Variants in TEF observed in about 807,000 individuals in gnomAD.
TEF encodes the protein thyrotroph embryonic factor.
A neutral mutation model predicts 20.8 loss-of-function variants in TEF; 3 were observed. The observed-to-expected ratio is 0.14, with a 90% CI of 0.07 to 0.37. TEF has a LOEUF of 0.37. Among genes scored for constraint, TEF ranks in the 10% least tolerant of loss-of-function variants. The probability of loss-of-function intolerance (pLI) is 1.00; values close to 1 mark genes in which losing one functional copy is unlikely to be tolerated. For missense variants in TEF, 296 were observed against 397.9 expected, an observed-to-expected ratio of 0.74 and a Z score of 2.18; for synonymous variants, 180 against 171.1, an observed-to-expected ratio of 1.05 and a Z score of -0.41.
chr22:41,368,018 T>G (rs2036841164), intron 1 of TEF, among the ~76,000 whole-genome samples: 1 of 152,114 alleles, frequency 6.6e-6, no homozygotes, highest in South Asian at 2.1e-4. Context: ...AGGCTTTCCT[T>G]GGTGCGCCTG....
chr22:41,375,287 ACT>A (rs774017749), intron 1 of TEF, among the ~76,000 whole-genome samples: 4 of 152,174 alleles, frequency 2.6e-5, no homozygotes, highest in Non-Finnish European at 5.9e-5. Flanking sequence ...CCTGGAACAC[ACT>A]GAGACCAAGG....
At chr22:41,382,230 C>A (rs1219653135) in intron 1 of TEF, 29 bp downstream of exon 1, 2 of 580,938 alleles carry the variant, frequency 3.4e-6, no homozygotes, top group African/African-American at 2.8e-5. Context: ...TCCGCGCGGG[C>A]TGGGGGCGGG....
At chr22:41,379,023 C>T (rs1380701135), upstream of TEF, among the ~76,000 whole-genome samples, 2 of 152,176 alleles carry the variant, frequency 1.3e-5, no homozygotes, top group African/African-American at 4.8e-5. Flanking sequence ...CAACTGTGCG[C>T]CTACGCAAAT....
intron 3 of TEF, among the ~76,000 whole-genome samples, chr22:41,394,899 C>T (rs949001406): frequency 6.6e-6 from 1 of 152,214 alleles, no homozygotes; most frequent in Non-Finnish European, 1.5e-5. Context: ...GCAACTGAAC[C>T]TCCCTCCCGG....
chr22:41,395,319 T>C (rs1456146637), intron 3 of TEF, among the ~76,000 whole-genome samples: 2 of 152,134 alleles, frequency 1.3e-5, no homozygotes, highest in African/African-American at 4.8e-5. Flanking sequence ...TATTTCTCAG[T>C]GTAAAGATAA....
At chr22:41,386,787 C>T (rs568255724) in intron 1 of TEF, among the ~76,000 whole-genome samples, 1 of 152,042 alleles carries the variant, frequency 6.6e-6, no homozygotes, top group East Asian at 1.9e-4. Flanking sequence ...GGCATAGTGG[C>T]TCATGCCTGT....
At chr22:41,369,164 C>T in intron 1 of TEF, 1 of 985,306 alleles carries the variant, frequency 1.0e-6, no homozygotes, top group Non-Finnish European at 1.2e-6. Flanking sequence ...CACTGCTCCT[C>T]AGATGAGGAT....
chr22:41,379,911 AAAAAG>A (rs201242427), upstream of TEF, among the ~76,000 whole-genome samples: 1,126 of 126,074 alleles, frequency 8.9e-3, 17 homozygotes, highest in African/African-American at 0.036. Context: ...AAAAAAAGAA[AAAAAG>A]AAAAGAAAAG....
In TEF at chr22:41,382,030, C is replaced by T; in HGVS notation, c.-15C>T. ...GGCGGGGGAGGCGAGGTGCGCGAGC[C>T]GAGTCCGGGGCACGATGTCCGACGC... On this transcript the variant is annotated 5_prime_UTR_variant, in exon 1 of 4. Coordinates refer to ENST00000266304, the MANE Select transcript of TEF (RefSeq NM_003216.4). 4.1e-6 allele frequency: 5 copies of T among 1,230,078 alleles called. No individual in the cohort carries two copies. The highest frequency in any genetic ancestry group is 4.1e-5 in the South Asian group (1 of 24,280). 76.2% of individuals were successfully genotyped at this position (1,230,078 alleles called of 1,614,324 possible). A position where few individuals can be genotyped will look rare whatever the true frequency, so the allele number is the denominator to read the frequency against.
At chr22:41,381,796 T>C, upstream of TEF, 1 of 1,002,170 alleles carries the variant, frequency 1.0e-6, no homozygotes, top group Non-Finnish European at 1.3e-6. Context: ...GGCCCGAGGA[T>C]CTGCGCCTGC....
intron 1 of TEF, among the ~76,000 whole-genome samples, chr22:41,372,604 G>T (rs147416259): frequency 9.1e-4 from 139 of 152,234 alleles, no homozygotes; most frequent in African/African-American, 3.2e-3. Context: ...TACCCATGTG[G>T]GTACCATGTC....
chr22:41,370,954 G>A (rs1233192527), intron 1 of TEF, among the ~76,000 whole-genome samples: 1 of 152,212 alleles, frequency 6.6e-6, no homozygotes, highest in East Asian at 1.9e-4. Context: ...TTTTGGCAGA[G>A]AAATCCATTT....
At chr22:41,372,954 C>T (rs2036900216) in intron 1 of TEF, among the ~76,000 whole-genome samples, 2 of 152,064 alleles carry the variant, frequency 1.3e-5, no homozygotes, top group South Asian at 4.1e-4. Context: ...ACCATGGCTG[C>T]AGAAAGCAAG....
At chr22:41,371,367 G>C (rs1412015539) in intron 1 of TEF, among the ~76,000 whole-genome samples, 1 of 152,266 alleles carries the variant, frequency 6.6e-6, no homozygotes, top group East Asian at 1.9e-4. Context: ...GCATCCCCAC[G>C]TAGGGGCACT....
chr22:41,385,975 G>A (rs922908014), intron 1 of TEF, among the ~76,000 whole-genome samples: 4 of 141,554 alleles, frequency 2.8e-5, no homozygotes, highest in Admixed American at 7.5e-5. Context: ...GTGAGCCACC[G>A]CCCCCGGTAC....
chr22:41,374,316 C>T (rs970508745), intron 1 of TEF, among the ~76,000 whole-genome samples: 2 of 151,836 alleles, frequency 1.3e-5, no homozygotes, highest in Admixed American at 6.6e-5. Context: ...TTTGGGAGGC[C>T]GAGGCAAGTG....
At chr22:41,384,271 A>T (rs2037069171) in intron 1 of TEF, among the ~76,000 whole-genome samples, 2 of 152,146 alleles carry the variant, frequency 1.3e-5, no homozygotes, top group Non-Finnish European at 2.9e-5. Flanking sequence ...TTCCCTGATT[A>T]GCCTCCCTGT....
Position 41,382,132 on chromosome 22 carries a change from G to A in TEF, c.88G>A (p.Gly30Ser), listed in dbSNP as rs2037035459. The change falls in exon 1 of 4, where the codon GGC (glycine) becomes AGC (serine). Residue 30 changes from glycine to serine, a missense_variant. Coordinates refer to ENST00000266304, the MANE Select transcript of TEF (RefSeq NM_003216.4). ...GCCGGGGCGCGCAGCTGGGGAAAGG[G>A]GCCTGTCGGGGTCCTTCCCCCTGGT... ...PGPGRAAGER[G>S]LSGSFPLVLK... is the part of the protein sequence containing the mutation. The A allele has an allele frequency of 3.2e-6, 4 of 1,237,034 alleles. No homozygotes were observed. Among genetic ancestry groups the A allele is most frequent in the Non-Finnish European group, 4.0e-6 (4 of 990,732 alleles). The allele number at this position is 1,237,034 out of a possible 1,614,324, so 76.6% of individuals were successfully genotyped here.
At chr22:41,369,207 G>T (rs536299142) in intron 1 of TEF, 4 of 985,252 alleles carry the variant, frequency 4.1e-6, no homozygotes, top group African/African-American at 1.7e-5. Context: ...AGCAGCTGCC[G>T]GTCTCTGGCT....
Sources: allele counts gnomAD v4.1 joint callset (sites outside exome capture counted in the v4.1 genomes callset), GRCh38; gene constraint gnomAD v4.1.1; transcripts MANE v1.5; gene names NCBI Gene and HGNC (gene_info 2026-07-23, HGNC 2026-07-21).